The following FOCAD variants were observed in gnomAD, a reference collection of about 807,000 sequenced individuals.
The protein encoded by FOCAD is focadhesin, also known as KIAA1797.
In FOCAD, 198 loss-of-function variants were observed where a neutral mutation model predicts 225.6. The ratio of observed to expected loss-of-function variants is 0.88; its 90% CI spans 0.78 to 0.99. The LOEUF is 0.99. Among genes scored for constraint, FOCAD ranks in the 50% least tolerant of loss-of-function variants. FOCAD has a pLI of 0.00. For missense variants in FOCAD, 2,713 were observed against 2,123.6 expected (o/e 1.28, Z -5.46); for synonymous variants, 897 against 755.0 (o/e 1.19, Z -3.08).
chr9:20,939,080 G>A (rs1177361288), intron 28 of FOCAD, among the ~76,000 whole-genome samples: 2 of 142,996 alleles, frequency 1.4e-5, no homozygotes, highest in Non-Finnish European at 1.5e-5. Context: ...AACCCGGGAG[G>A]CGGAGCTTGC....
chr9:20,868,293 A>T (rs1210204323), intron 18 of FOCAD, among the ~76,000 whole-genome samples: 4 of 152,154 alleles, frequency 2.6e-5, no homozygotes, highest in Non-Finnish European at 1.5e-5. Flanking sequence ...ATTCATTTAA[A>T]TCACAGCATA....
At chr9:20,881,463 G>T (rs1302422801) in intron 19 of FOCAD, among the ~76,000 whole-genome samples, 1 of 152,196 alleles carries the variant, frequency 6.6e-6, no homozygotes, top group Non-Finnish European at 1.5e-5. Context: ...TGGCCTCTGG[G>T]CAGAGGAAGG....
chr9:20,856,184 A>G lies in FOCAD; in HGVS notation c.1921-6394A>G, dbSNP rs535036674. On this transcript the variant is annotated intron_variant, in intron 15 of 43. Coordinates refer to ENST00000338382, the MANE Select transcript of FOCAD (RefSeq NM_001375567.1). ...TTGAGAAAACTCCATAGTCTTCTCC[A>G]TAGTGGCTGTACTAATTTACATTCC... Among the ~76,000 whole-genome samples the G allele has an allele frequency of 4.1e-4, 63 of 152,132 alleles. No homozygotes were observed. In the South Asian group the frequency reaches 0.012, roughly 30 times the overall value.
Position 20,842,502 on chromosome 9 carries a change from C to G in FOCAD, c.1920+19387C>G, listed in dbSNP as rs111770073. Among the ~76,000 whole-genome samples, 1,107 of 151,934 alleles carry G rather than the reference C, an allele frequency of 7.3e-3. 16 individuals carry two copies. Among genetic ancestry groups the G allele is most frequent in the African/African-American group, 0.025 (1,057 of 41,500 alleles). On this transcript the variant is annotated intron_variant, in intron 15 of 43. Coordinates refer to ENST00000338382, the MANE Select transcript of FOCAD (RefSeq NM_001375567.1). ...TTTATCATTATATCCTGACCTTATC[C>G]TTTTTACAGACTTTGTCTTGAAATG... is the stretch of plus-strand genomic sequence containing the variant.
At chr9:20,968,558 C>T (rs1223423666) in intron 35 of FOCAD, among the ~76,000 whole-genome samples, 1 of 150,286 alleles carries the variant, frequency 6.7e-6, no homozygotes, top group African/African-American at 2.4e-5. Context: ...TCTCCTGCCT[C>T]AGCCTCCTGA....
Position 20,740,693 on chromosome 9 carries a change from G to GAA in FOCAD, c.392+353_392+354insAA, listed in dbSNP as rs1827540964. On this transcript the variant is annotated intron_variant, in intron 5 of 43. Coordinates refer to ENST00000338382, the MANE Select transcript of FOCAD (RefSeq NM_001375567.1). ...ATATTTAAAGCAGGGGGGGATTTAGGTTAGGCAGGATGGTAATCTGCCTTA... is the reference window on the plus strand; with the variant it reads ...ATATTTAAAGCAGGGGGGGATTTAGGAATTAGGCAGGATGGTAATCTGCCTTA... 2.0e-5 allele frequency among the ~76,000 whole-genome samples: 3 copies of GAA among 152,282 alleles called. 1 individual carries two copies. The South Asian group carries it at 6.2e-4, about 32-fold the overall frequency.
At chr9:20,679,592 G>A (rs1435655311), upstream of FOCAD, among the ~76,000 whole-genome samples, 2 of 151,528 alleles carry the variant, frequency 1.3e-5, no homozygotes, top group African/African-American at 4.9e-5. Context: ...TTTTGTTGTT[G>A]TTAAAGTCAG....
At chr9:20,790,021 A>G (rs1191892514) in intron 11 of FOCAD, among the ~76,000 whole-genome samples, 3 of 152,224 alleles carry the variant, frequency 2.0e-5, no homozygotes, top group Non-Finnish European at 4.4e-5. Flanking sequence ...AGACATTAAT[A>G]TCTTTTTAAC....
chr9:20,828,959 A>G (rs528567261), intron 15 of FOCAD, among the ~76,000 whole-genome samples: 57 of 152,222 alleles, frequency 3.7e-4, no homozygotes, highest in African/African-American at 1.3e-3. Context: ...CCTGCAAAGG[A>G]CATGCTCTCA....
At chr9:20,910,010 T>G (rs1833306832) in intron 22 of FOCAD, among the ~76,000 whole-genome samples, 1 of 152,128 alleles carries the variant, frequency 6.6e-6, no homozygotes, top group Non-Finnish European at 1.5e-5. Flanking sequence ...CATTACTTCC[T>G]GGAGGCTAAT....
chr9:20,918,826 G>A (rs1339561907), intron 24 of FOCAD, among the ~76,000 whole-genome samples: 1 of 152,058 alleles, frequency 6.6e-6, no homozygotes, highest in African/African-American at 2.4e-5. Context: ...GATATTTTAG[G>A]TCTGGAGGCT....
intron 5 of FOCAD, among the ~76,000 whole-genome samples, chr9:20,753,290 A>G (rs375359882): frequency 5.9e-5 from 9 of 151,522 alleles, no homozygotes; most frequent in South Asian, 2.1e-4. Flanking sequence ...GATATTGGCT[A>G]TGGGTTTGTC....
intron 2 of FOCAD, among the ~76,000 whole-genome samples, chr9:20,670,296 C>A (rs1822020569): frequency 1.3e-5 from 2 of 152,186 alleles, no homozygotes; most frequent in South Asian, 4.1e-4. Flanking sequence ...AATAAATCCT[C>A]ATTTAAGCCT....
intron 1 of FOCAD, among the ~76,000 whole-genome samples, chr9:20,694,048 A>G (rs1314632168): frequency 2.0e-5 from 3 of 152,182 alleles, no homozygotes; most frequent in Non-Finnish European, 4.4e-5. Flanking sequence ...TAGACCAAGT[A>G]TTCTTCCACA....
chr9:20,839,658 A>AT (rs1826321151), intron 15 of FOCAD, among the ~76,000 whole-genome samples: 1 of 150,806 alleles, frequency 6.6e-6, no homozygotes, highest in Non-Finnish European at 1.5e-5. Context: ...ATTTTTTTTT[A>AT]TTTTTAATGT....
At chr9:20,853,816 G>C (rs1827904916) in intron 15 of FOCAD, among the ~76,000 whole-genome samples, 1 of 151,752 alleles carries the variant, frequency 6.6e-6, no homozygotes, top group Non-Finnish European at 1.5e-5. Context: ...AAATAAACCT[G>C]TGCTAGTCAT....
At chr9:20,737,809 T>TA (rs1465110113) in intron 4 of FOCAD, among the ~76,000 whole-genome samples, 1 of 152,220 alleles carries the variant, frequency 6.6e-6, no homozygotes, top group Non-Finnish European at 1.5e-5. Flanking sequence ...TAAGTTAGCT[T>TA]ACAAAATTCA....
At chr9:20,755,369 A>G (rs575877524) in intron 5 of FOCAD, among the ~76,000 whole-genome samples, 96 of 152,354 alleles carry the variant, frequency 6.3e-4, no homozygotes, top group Non-Finnish European at 1.3e-3. Flanking sequence ...GCATCATGCA[A>G]CAAAGCTGGA....
intron 11 of FOCAD, among the ~76,000 whole-genome samples, chr9:20,799,129 C>T (rs191646847): frequency 0.012 from 1,769 of 152,124 alleles, 20 homozygotes; most frequent in South Asian, 0.03. Context: ...AGGAGCAGGT[C>T]ATTCAGTTTC....
Sources: allele counts gnomAD v4.1 joint callset (sites outside exome capture counted in the v4.1 genomes callset), GRCh38; gene constraint gnomAD v4.1.1; transcripts MANE v1.5; gene names NCBI Gene and HGNC (gene_info 2026-07-23, HGNC 2026-07-21).